Variants in PRKAR1A observed in about 807,000 individuals in gnomAD.
The protein encoded by PRKAR1A is cAMP-dependent protein kinase type I-alpha regulatory subunit.
PRKAR1A carries 3 observed loss-of-function variants against 52.0 expected under a neutral mutation model. That is an observed-to-expected ratio of 0.06 (90% confidence interval 0.03 to 0.15). PRKAR1A has a LOEUF of 0.15. PRKAR1A is among the 10% of genes least tolerant of loss of function. The probability of loss-of-function intolerance (pLI) is 1.00; values close to 1 mark genes in which losing one functional copy is unlikely to be tolerated. For missense variants in PRKAR1A, 240 were observed against 477.4 expected, an observed-to-expected ratio of 0.50 and a Z score of 4.63; for synonymous variants, 188 against 168.4, an observed-to-expected ratio of 1.12 and a Z score of -0.90.
At chr17:68,509,067 A>C (rs1568682541), upstream of PRKAR1A, among the ~76,000 whole-genome samples, 13 of 152,142 alleles carry the variant, frequency 8.5e-5, no homozygotes, top group Non-Finnish European at 4.4e-5. Context: ...GGACCACCAA[A>C]GTATTCCTTC....
chr17:68,452,253 C>T, the PRKAR1A span, among the ~76,000 whole-genome samples: 2 of 152,142 alleles, frequency 1.3e-5, no homozygotes, highest in Non-Finnish European at 1.5e-5. Context: ...TCTTATGGTG[C>T]CAATATAATG....
the PRKAR1A span, among the ~76,000 whole-genome samples, chr17:68,484,547 G>A: frequency 6.8e-6 from 1 of 147,226 alleles, no homozygotes; most frequent in African/African-American, 2.5e-5. Context: ...CTTTTGCCTT[G>A]TTGAACTGAC....
At chr17:68,417,906 A>G in the PRKAR1A span, among the ~76,000 whole-genome samples, 5 of 151,374 alleles carry the variant, frequency 3.3e-5, no homozygotes. Context: ...AATTTTTTAT[A>G]TTTTTAGTAG....
chr17:68,432,397 C>T, the PRKAR1A span, among the ~76,000 whole-genome samples: 2 of 152,194 alleles, frequency 1.3e-5, no homozygotes, highest in Non-Finnish European at 2.9e-5. Flanking sequence ...AATCTTGGCA[C>T]CTCTCTTTCA....
chr17:68,433,390 G>A, the PRKAR1A span: 4 of 1,272,176 alleles, frequency 3.1e-6, no homozygotes, highest in Non-Finnish European at 4.6e-6. Flanking sequence ...AAAGAAAAGA[G>A]ATCATTCATG....
chr17:68,457,876 G>T, the PRKAR1A span, among the ~76,000 whole-genome samples: 69,062 of 151,928 alleles, frequency 0.45, 15,935 homozygotes, highest in Middle Eastern at 0.51. Context: ...TGCCGGAGCC[G>T]CCCAGCTGGG....
intron 11 of PRKAR1A, among the ~76,000 whole-genome samples, chr17:68,547,899 G>A (rs1213121718): frequency 6.6e-6 from 1 of 151,974 alleles, no homozygotes; most frequent in African/African-American, 2.4e-5. Context: ...GGCTTTCAAC[G>A]TGCCTTCCTT....
At chr17:68,483,723 T>C in the PRKAR1A span, among the ~76,000 whole-genome samples, 1 of 151,896 alleles carries the variant, frequency 6.6e-6, no homozygotes, top group Non-Finnish European at 1.5e-5. Flanking sequence ...TAGTTGGGTG[T>C]GGTGGCGCAT....
chr17:68,479,940 C>T, the PRKAR1A span, among the ~76,000 whole-genome samples: 1 of 152,206 alleles, frequency 6.6e-6, no homozygotes, highest in African/African-American at 2.4e-5. Flanking sequence ...CTTATAAAAG[C>T]ACCAGGTCTT....
chr17:68,483,781 A>G, the PRKAR1A span, among the ~76,000 whole-genome samples: 16 of 152,116 alleles, frequency 1.1e-4, no homozygotes, highest in Non-Finnish European at 1.6e-4. Context: ...GAATTGCTTG[A>G]ACCTGGGAGG....
chr17:68,540,817 C>A (rs1323390685), intron 11 of PRKAR1A: 2 of 1,570,032 alleles, frequency 1.3e-6, no homozygotes, highest in East Asian at 4.6e-5. Flanking sequence ...GCAGAGCCCA[C>A]TTCTGCTGGG....
the PRKAR1A span, among the ~76,000 whole-genome samples, chr17:68,451,632 G>A: frequency 6.6e-6 from 1 of 152,192 alleles, no homozygotes; most frequent in African/African-American, 2.4e-5. Context: ...TGACTTCTCA[G>A]TTGGGAACTT....
At chr17:68,477,556 T>A in the PRKAR1A span, among the ~76,000 whole-genome samples, 1 of 152,240 alleles carries the variant, frequency 6.6e-6, no homozygotes, top group Non-Finnish European at 1.5e-5. Context: ...TCCCCGTGTG[T>A]ACTTATTTCC....
At chr17:68,453,678 C>A in the PRKAR1A span, among the ~76,000 whole-genome samples, 1 of 152,042 alleles carries the variant, frequency 6.6e-6, no homozygotes, top group Non-Finnish European at 1.5e-5. Context: ...AGGGTTTCAC[C>A]ATGTTGACTA....
chr17:68,443,516 A>G, the PRKAR1A span, among the ~76,000 whole-genome samples: 2 of 152,250 alleles, frequency 1.3e-5, no homozygotes, highest in Non-Finnish European at 2.9e-5. Flanking sequence ...AGAAGGCATC[A>G]GAAGTATTTC....
chr17:68,515,900 A>G (rs1040943347), intron 2 of PRKAR1A: 1 of 270,358 alleles, frequency 3.7e-6, no homozygotes, highest in East Asian at 9.3e-5. Flanking sequence ...AGTTCTATGA[A>G]TAAGAAATTC....
At chr17:68,511,936 C>T (rs1335546619), upstream of PRKAR1A, 2 of 152,216 alleles carry the variant, frequency 1.3e-5, no homozygotes, top group Non-Finnish European at 2.9e-5. Flanking sequence ...GAGTCGCCCA[C>T]CTGTCATCTG....
chr17:68,516,098 T>C (rs2085424434), intron 2 of PRKAR1A, among the ~76,000 whole-genome samples: 1 of 152,182 alleles, frequency 6.6e-6, no homozygotes, highest in Non-Finnish European at 1.5e-5. Context: ...ACTGTAGAGA[T>C]ATTGATATTG....
At chr17:68,515,166 A>G (rs1332906328) in intron 1 of PRKAR1A, 12 of 543,130 alleles carry the variant, frequency 2.2e-5, no homozygotes, top group Non-Finnish European at 4.0e-5. Flanking sequence ...ATCGACTCTC[A>G]CTGTTGCCTA....
Sources: gnomAD v4.1 joint callset for allele counts (sites outside exome capture counted in the v4.1 genomes callset) on GRCh38, gnomAD v4.1.1 for gene constraint, MANE v1.5 for transcripts, NCBI Gene and HGNC (gene_info 2026-07-23, HGNC 2026-07-21) for gene names.